Variants in PRKCB observed in about 807,000 individuals in gnomAD.
The protein encoded by PRKCB is protein kinase C beta, also known as protein kinase C beta type.
A neutral mutation model predicts 81.5 loss-of-function variants in PRKCB; 13 were observed. The observed-to-expected ratio is 0.16, with a 90% CI of 0.10 to 0.25. The LOEUF is 0.25. Among genes scored for constraint, PRKCB ranks in the 10% least tolerant of loss-of-function variants. PRKCB has a pLI of 1.00. For synonymous variants in PRKCB, 335 were observed against 321.4 expected, an observed-to-expected ratio of 1.04 and a Z score of -0.45; for missense variants, 509 against 875.7, an observed-to-expected ratio of 0.58 and a Z score of 5.29.
At chr16:23,999,288 T>A (rs1965001806) in intron 3 of PRKCB, among the ~76,000 whole-genome samples, 1 of 152,210 alleles carries the variant, frequency 6.6e-6, no homozygotes, top group South Asian at 2.1e-4. Context: ...TGGACAAGGC[T>A]CCATCCACGA....
chr16:24,175,251 G>C (rs1254456442), intron 12 of PRKCB, among the ~76,000 whole-genome samples: 1 of 152,104 alleles, frequency 6.6e-6, no homozygotes, highest in Non-Finnish European at 1.5e-5. Flanking sequence ...TTATGCAAGA[G>C]AGGCTGCAAG....
At chr16:24,050,355 G>A (rs1025435330) in intron 5 of PRKCB, among the ~76,000 whole-genome samples, 3 of 152,156 alleles carry the variant, frequency 2.0e-5, no homozygotes, top group African/African-American at 7.2e-5. Context: ...AGGGTGCCCA[G>A]AGTGAAAGAG....
intron 5 of PRKCB, among the ~76,000 whole-genome samples, chr16:24,080,174 T>C: frequency 6.6e-6 from 1 of 152,206 alleles, no homozygotes; most frequent in South Asian, 2.1e-4. Flanking sequence ...GATCTTAATT[T>C]CACCCAGAGA....
chr16:23,864,508 C>T (rs1414756677), intron 2 of PRKCB, among the ~76,000 whole-genome samples: 2 of 152,106 alleles, frequency 1.3e-5, no homozygotes, highest in African/African-American at 4.8e-5. Flanking sequence ...ATGTAACCTA[C>T]AGATAATAAA....
rs535548933 is a variant in PRKCB, at chr16:24,184,945, C to T, written c.1534-166C>T. ...GCAATGTGACAGCCACAGGTGTTTG[C>T]CCAGCTGCAGGTGCCTCTGCAAAGC... On this transcript the variant is annotated intron_variant, in intron 13 of 16. Coordinates refer to ENST00000643927, the MANE Select transcript of PRKCB (RefSeq NM_002738.7). Among the ~76,000 whole-genome samples, 8 of 152,316 alleles carry T rather than the reference C, an allele frequency of 5.3e-5. No individual in the cohort carries two copies. In the South Asian group the frequency reaches 1.7e-3, roughly 32 times the overall value.
chr16:24,133,555 C>A (rs1476306437), intron 9 of PRKCB, among the ~76,000 whole-genome samples: 3 of 152,146 alleles, frequency 2.0e-5, no homozygotes, highest in Non-Finnish European at 4.4e-5. Flanking sequence ...CAACCTTCAA[C>A]CTCCATTTTC....
chr16:24,020,976 T>TTCTCTTTC (rs60783634), intron 3 of PRKCB, among the ~76,000 whole-genome samples: 2 of 96,630 alleles, frequency 2.1e-5, no homozygotes, highest in Admixed American at 1.2e-4. Context: ...AGACTTTTCT[T>TTCTCTTTC]TTTCTTTCTT....
At chr16:23,980,815 G>T (rs1255012625) in intron 2 of PRKCB, among the ~76,000 whole-genome samples, 1 of 148,980 alleles carries the variant, frequency 6.7e-6, no homozygotes, top group African/African-American at 2.6e-5. Context: ...ATATATATAT[G>T]ATTTAATTTA....
chr16:24,056,740 T>C (rs1479289543), intron 5 of PRKCB, among the ~76,000 whole-genome samples: 1 of 152,202 alleles, frequency 6.6e-6, no homozygotes, highest in African/African-American at 2.4e-5. Context: ...TTTCTCCTTG[T>C]ACCATGATTG....
intron 2 of PRKCB, among the ~76,000 whole-genome samples, chr16:23,984,228 A>C (rs1243342433): frequency 6.6e-6 from 1 of 152,228 alleles, no homozygotes; most frequent in Admixed American, 6.5e-5. Context: ...AATAGTCATG[A>C]TATGGTTGGC....
At chr16:24,083,891 G>C (rs1303276539) in intron 5 of PRKCB, among the ~76,000 whole-genome samples, 1 of 152,014 alleles carries the variant, frequency 6.6e-6, no homozygotes, top group Admixed American at 6.6e-5. Context: ...GCTGATAAAA[G>C]ACACAAGTAC....
At chr16:24,201,034 C>G (rs924089681) in intron 16 of PRKCB, among the ~76,000 whole-genome samples, 1 of 152,276 alleles carries the variant, frequency 6.6e-6, no homozygotes, top group South Asian at 2.1e-4. Flanking sequence ...TAGCCGTCAG[C>G]TTCTTACCAC....
intron 4 of PRKCB, among the ~76,000 whole-genome samples, chr16:24,033,166 G>C (rs1459793002): frequency 6.6e-6 from 1 of 152,184 alleles, no homozygotes; most frequent in Non-Finnish European, 1.5e-5. Flanking sequence ...CCACAGACCT[G>C]TTGGTCTGCA....
chr16:24,146,003 G>A (rs745792041), intron 9 of PRKCB, among the ~76,000 whole-genome samples: 3 of 152,208 alleles, frequency 2.0e-5, no homozygotes, highest in Non-Finnish European at 4.4e-5. Flanking sequence ...CCAATGGCTG[G>A]TGTCCTCATA....
intron 5 of PRKCB, among the ~76,000 whole-genome samples, chr16:24,065,114 T>G (rs1485401768): frequency 6.7e-6 from 1 of 150,068 alleles, no homozygotes; most frequent in African/African-American, 2.4e-5. Flanking sequence ...AGCCTTACAT[T>G]TAGAGTGTGT....
At chr16:24,059,437 C>T (rs1446272943) in intron 5 of PRKCB, among the ~76,000 whole-genome samples, 2 of 151,956 alleles carry the variant, frequency 1.3e-5, no homozygotes, top group Non-Finnish European at 2.9e-5. Flanking sequence ...GCAGAAGGAT[C>T]GCTTGAGCCC....
At chr16:24,003,473 C>T (rs2141832249) in intron 3 of PRKCB, among the ~76,000 whole-genome samples, 1 of 151,812 alleles carries the variant, frequency 6.6e-6, no homozygotes, top group African/African-American at 2.4e-5. Context: ...CAACCTCTGC[C>T]TCCTGAATTC....
intron 9 of PRKCB, among the ~76,000 whole-genome samples, chr16:24,129,527 C>CTATT (rs1358135544): frequency 7.1e-6 from 1 of 141,194 alleles, no homozygotes. Flanking sequence ...GTGCATCTAT[C>CTATT]TATCTATCTA....
chr16:24,087,210 C>G, intron 5 of PRKCB, among the ~76,000 whole-genome samples: 1 of 152,202 alleles, frequency 6.6e-6, no homozygotes, highest in Middle Eastern at 3.2e-3. Context: ...TCTGACAGTT[C>G]AGCTCCAGAT....
Sources: allele counts gnomAD v4.1 joint callset (sites outside exome capture counted in the v4.1 genomes callset), GRCh38; gene constraint gnomAD v4.1.1; transcripts MANE v1.5; gene names NCBI Gene and HGNC (gene_info 2026-07-23, HGNC 2026-07-21).